RNFT2: variants seen among roughly 807,000 people sequenced by gnomAD.
RNFT2 encodes the protein E3 ubiquitin-protein ligase RNFT2.
A neutral mutation model predicts 53.0 loss-of-function variants in RNFT2; 36 were observed. That is an observed-to-expected ratio of 0.68 (90% CI 0.52 to 0.90). The LOEUF (loss-of-function observed/expected upper bound fraction) is 0.90, where lower values mean the gene tolerates loss of function less well. Among genes scored for constraint, RNFT2 ranks in the 40% least tolerant of loss-of-function variants. The probability of loss-of-function intolerance (pLI) is 0.00; values close to 1 mark genes in which losing one functional copy is unlikely to be tolerated. For synonymous variants in RNFT2, 260 were observed against 253.2 expected (o/e 1.03, Z -0.26); for missense variants, 514 against 585.6 (o/e 0.88, Z 1.26).
At position 116,852,441 on chromosome 12, in the gene RNFT2, G is replaced by A. The variant is rs1877973698; in HGVS notation, c.*2993G>A. On this transcript the variant is annotated 3_prime_UTR_variant, in exon 11 of 11. Coordinates refer to ENST00000257575, the MANE Select transcript of RNFT2 (RefSeq NM_001382266.1). ...CCAGCAAGACGTCTGTTCCAGGGCAGTGTAGCATCTTTCAAGCTCCGTTAC... is the reference window on the plus strand; with the variant it reads ...CCAGCAAGACGTCTGTTCCAGGGCAATGTAGCATCTTTCAAGCTCCGTTAC... The A allele has an allele frequency of 2.8e-6, 4 of 1,412,576 alleles. No individual in the cohort carries two copies. Among genetic ancestry groups the A allele is most frequent in the Middle Eastern group, 2.7e-4 (1 of 3,762 alleles). The allele number at this position is 1,412,576 out of a possible 1,614,324, so 87.5% of individuals were successfully genotyped here.
rs1283587080 is a variant in RNFT2 at position 116,852,141 on chromosome 12, C to T, written c.*2693C>T. ...CAGAAGCCACCAGAATCTTGCCTGCCCTATTCCTCCTCCCAAGTCTGTTCT... is the reference window on the plus strand; with the variant it reads ...CAGAAGCCACCAGAATCTTGCCTGCTCTATTCCTCCTCCCAAGTCTGTTCT... On this transcript the variant is annotated 3_prime_UTR_variant, in exon 11 of 11. Coordinates refer to ENST00000257575, the MANE Select transcript of RNFT2 (RefSeq NM_001382266.1). 6 of 1,031,668 alleles carry T rather than the reference C, an allele frequency of 5.8e-6. No individual in the cohort carries two copies. In the East Asian group the frequency reaches 1.1e-4, roughly 19 times the overall value. The allele number at this position is 1,031,668 out of a possible 1,614,324, so 63.9% of individuals were successfully genotyped here. A position where few individuals can be genotyped will look rare whatever the true frequency, so the allele number is the denominator to read the frequency against.
chr12:116,775,778 C>T (rs1484226256), intron 6 of RNFT2, among the ~76,000 whole-genome samples: 2 of 152,222 alleles, frequency 1.3e-5, no homozygotes, highest in African/African-American at 2.4e-5. Flanking sequence ...CACAGTGGCT[C>T]ACGCCTGTAT....
intron 7 of RNFT2, among the ~76,000 whole-genome samples, chr12:116,813,719 T>C (rs1035212233): frequency 5.9e-5 from 9 of 152,252 alleles, no homozygotes; most frequent in African/African-American, 2.2e-4. Context: ...CTGAAGGTAA[T>C]TAATTCATGA....
chr12:116,766,954 G>A lies in RNFT2; in HGVS notation c.728+40G>A, dbSNP rs1872942367. ...CCAACCCCCACGGTGGGAGAGTGGG[G>A]CACTTGGCTGGGCTTGGGGCACGTA... On this transcript the variant is annotated intron_variant, in intron 6 of 10. Transcript: ENST00000257575. 3 of 1,455,916 alleles carry A rather than the reference G, an allele frequency of 2.1e-6. No individual in the cohort carries two copies. In the East Asian group the frequency reaches 7.4e-5, roughly 36 times the overall value. The allele number at this position is 1,455,916 out of a possible 1,614,324, so 90.2% of individuals were successfully genotyped here. A position where few individuals can be genotyped will look rare whatever the true frequency, so the allele number is the denominator to read the frequency against.
At chr12:116,769,085 C>T (rs1168983782) in intron 6 of RNFT2, among the ~76,000 whole-genome samples, 24 of 151,998 alleles carry the variant, frequency 1.6e-4, no homozygotes, top group Admixed American at 1.0e-3. Flanking sequence ...GTTGGCCGGG[C>T]GCAGTGGCTC....
intron 10 of RNFT2, among the ~76,000 whole-genome samples, chr12:116,837,625 A>C (rs1877047832): frequency 6.6e-6 from 1 of 152,234 alleles, no homozygotes; most frequent in South Asian, 2.1e-4. Context: ...TGCATGAATC[A>C]ACATTCAAAA....
chr12:116,740,357 TG>T lies in RNFT2; in HGVS notation c.-139del. 1.3e-6 allele frequency: 1 copy of T among 761,448 alleles called. No individual in the cohort carries two copies. The allele number at this position is 761,448 out of a possible 1,614,324, so 47.2% of individuals were successfully genotyped here. ...CTGTTCCATCCAGGTTTGGAGTCTC[TG>T]GCAAGCTCCCCTGACTGTGCATCCC... On this transcript the variant is annotated 5_prime_UTR_variant, in exon 2 of 11. Coordinates refer to ENST00000257575, the MANE Select transcript of RNFT2 (RefSeq NM_001382266.1).
chr12:116,786,552 C>T (rs993664561), intron 7 of RNFT2, among the ~76,000 whole-genome samples: 2 of 151,986 alleles, frequency 1.3e-5, no homozygotes, highest in African/African-American at 2.4e-5. Context: ...TGAGGTTACT[C>T]ATCACCTGGC....
At chr12:116,807,034 A>T (rs145299038) in intron 7 of RNFT2, among the ~76,000 whole-genome samples, 1 of 152,270 alleles carries the variant, frequency 6.6e-6, no homozygotes, top group Non-Finnish European at 1.5e-5. Context: ...CTCATTGGCC[A>T]CCACTCAGTC....
At chr12:116,816,256 C>T (rs1000520200) in intron 7 of RNFT2, among the ~76,000 whole-genome samples, 1 of 152,190 alleles carries the variant, frequency 6.6e-6, no homozygotes, top group South Asian at 2.1e-4. Flanking sequence ...GGGGCACGTG[C>T]GCTGGGCCCT....
chr12:116,797,088 G>T (rs1874537556), intron 7 of RNFT2, among the ~76,000 whole-genome samples: 1 of 152,182 alleles, frequency 6.6e-6, no homozygotes, highest in Admixed American at 6.5e-5. Flanking sequence ...AATGTCAGCA[G>T]TGCTGAAGTT....
At chr12:116,776,519 A>C (rs1365981389) in intron 6 of RNFT2, among the ~76,000 whole-genome samples, 1 of 152,152 alleles carries the variant, frequency 6.6e-6, no homozygotes, top group Non-Finnish European at 1.5e-5. Flanking sequence ...CAGGTGAGGA[A>C]TTCCATGGAG....
rs776918331 is a variant in RNFT2, at chr12:116,779,192, C to A, written c.729-3C>A. The A allele has an allele frequency of 1.9e-6, 3 of 1,614,002 alleles. No individual in the cohort carries two copies. Among genetic ancestry groups the A allele is most frequent in the South Asian group, 2.2e-5 (2 of 91,082 alleles). ...CTTCTGACTCTCTCAATCCTCCCCC[C>A]AGCCTCATATTCCTGAAGCCCAACC... On this transcript the variant is annotated splice_polypyrimidine_tract_variant and splice_region_variant and intron_variant, in intron 6 of 10. Transcript: ENST00000257575.
intron 7 of RNFT2, among the ~76,000 whole-genome samples, chr12:116,803,351 G>A (rs773542796): frequency 2.6e-5 from 4 of 151,980 alleles, no homozygotes; most frequent in Admixed American, 6.6e-5. Context: ...TCATTTTTAG[G>A]TTATTTTTGA....
chr12:116,744,890 C>T (rs1359881025), intron 3 of RNFT2, among the ~76,000 whole-genome samples: 2 of 152,052 alleles, frequency 1.3e-5, no homozygotes, highest in Non-Finnish European at 2.9e-5. Flanking sequence ...TTCTAGGGCC[C>T]CTTGGGTGGC....
intron 4 of RNFT2, among the ~76,000 whole-genome samples, chr12:116,750,881 T>TATATATATTA (rs1438371204): frequency 1.1e-5 from 1 of 93,080 alleles, no homozygotes; most frequent in Non-Finnish European, 2.0e-5. Flanking sequence ...AATATATATA[T>TATATATATTA]TATATATATA....
In RNFT2 at chr12:116,833,842, T is replaced by C. The variant is rs1350049514; in HGVS notation, c.933T>C (p.Leu311=). 2 of 1,613,450 alleles carry C rather than the reference T, an allele frequency of 1.2e-6. No homozygotes were observed. The highest frequency in any genetic ancestry group is 4.5e-5 in the East Asian group (2 of 44,812). ...AGCTGAGCCAGCTGTTCCGATCCCT[T>C]GTCCCCATCCAGCTGTGGTACAAAT... ...IEELSQLFRS[L]VPIQLWYKYI... Residue 311 remains leucine (L), a synonymous_variant, in exon 8 of 11, where the codon CTT becomes CTC. Coordinates refer to ENST00000257575, the MANE Select transcript of RNFT2 (RefSeq NM_001382266.1).
intron 6 of RNFT2, among the ~76,000 whole-genome samples, chr12:116,769,903 C>T (rs538855122): frequency 1.9e-4 from 29 of 152,160 alleles, no homozygotes; most frequent in Admixed American, 3.3e-4. Flanking sequence ...GGTGTGGTGG[C>T]AGGATCCTGT....
intron 5 of RNFT2, among the ~76,000 whole-genome samples, chr12:116,763,532 G>A (rs1872774268): frequency 6.6e-6 from 1 of 151,958 alleles, no homozygotes; most frequent in African/African-American, 2.4e-5. Flanking sequence ...ACTTTGGGAG[G>A]CTGAGGTGGG....
Sources: gnomAD v4.1 joint callset for allele counts (sites outside exome capture counted in the v4.1 genomes callset) on GRCh38, gnomAD v4.1.1 for gene constraint, MANE v1.5 for transcripts, NCBI Gene and HGNC (gene_info 2026-07-23, HGNC 2026-07-21) for gene names.